The following RPAP3 variants were observed in gnomAD, a reference collection of about 807,000 sequenced individuals.
The protein encoded by RPAP3 is RNA polymerase II-associated protein 3.
A neutral mutation model predicts 88.8 loss-of-function variants in RPAP3; 58 were observed. The observed-to-expected ratio is 0.65, with a 90% CI of 0.53 to 0.81. RPAP3 has a LOEUF of 0.81. Ranked by LOEUF, RPAP3 falls within the 40% of genes least tolerant of loss-of-function variation. The pLI, the probability that RPAP3 is intolerant of heterozygous loss-of-function variation, is 0.00. For synonymous variants in RPAP3, 255 were observed against 259.9 expected (o/e 0.98, Z 0.18); for missense variants, 751 against 764.3 (o/e 0.98, Z 0.20).
intron 3 of RPAP3, among the ~76,000 whole-genome samples, chr12:47,698,736 T>A (rs2136642654): frequency 6.6e-6 from 1 of 152,232 alleles, no homozygotes; most frequent in East Asian, 1.9e-4. Context: ...CTGGTCTGGA[T>A]CCTAAGCCCA....
Position 47,686,760 on chromosome 12 carries a change from A to G in RPAP3, c.992+20T>C. The G allele has an allele frequency of 1.3e-6, 2 of 1,497,336 alleles. No individual in the cohort carries two copies. Among genetic ancestry groups the G allele is most frequent in the Non-Finnish European group, 1.8e-6 (2 of 1,120,930 alleles). 92.8% of individuals were successfully genotyped at this position (1,497,336 alleles called of 1,614,324 possible). On this transcript the variant is annotated intron_variant, in intron 9 of 16. Coordinates refer to ENST00000005386, the MANE Select transcript of RPAP3 (RefSeq NM_024604.3). ...GTAAATTTTTATCCTGAACAGCACT[A>G]AAATGTAACCAATACTTACTTCTGA... is the stretch of plus-strand genomic sequence containing the variant.
At chr12:47,701,714 T>C in intron 2 of RPAP3, 110 bp from the exon 3 acceptor site, 1 of 884,916 alleles carries the variant, frequency 1.1e-6, no homozygotes, top group East Asian at 3.2e-5. Context: ...AATTTTTTAA[T>C]TTTAAAGTGT....
intron 15 of RPAP3, 141 bp downstream of exon 15, chr12:47,667,613 C>A: frequency 3.8e-6 from 2 of 522,348 alleles, no homozygotes; most frequent in South Asian, 6.5e-5. Flanking sequence ...ATAAACAAAC[C>A]AATTTTACCA....
chr12:47,678,520 A>G (rs1939160612), intron 12 of RPAP3, among the ~76,000 whole-genome samples: 1 of 152,254 alleles, frequency 6.6e-6, no homozygotes, highest in Non-Finnish European at 1.5e-5. Flanking sequence ...GCTAATATCC[A>G]GAATCTACAA....
At chr12:47,667,879 C>T in intron 14 of RPAP3, 28 bp from the exon 15 acceptor site, 1 of 1,354,360 alleles carries the variant, frequency 7.4e-7, no homozygotes, top group Non-Finnish European at 1.0e-6. Context: ...AAGACAATTA[C>T]TTGATGGCAA....
At chr12:47,664,164 C>T (rs112584143) in intron 16 of RPAP3, among the ~76,000 whole-genome samples, 5,671 of 152,116 alleles carry the variant, frequency 0.037, 349 homozygotes, top group African/African-American at 0.12. Flanking sequence ...CCGAGGCAGG[C>T]GGATCATGAG....
chr12:47,696,827 T>C (rs1048069222), intron 4 of RPAP3, among the ~76,000 whole-genome samples: 1 of 152,260 alleles, frequency 6.6e-6, no homozygotes, highest in Non-Finnish European at 1.5e-5. Context: ...ATTTGTATTA[T>C]CCATACTGCT....
intron 13 of RPAP3, 35 bp downstream of exon 13, chr12:47,670,072 C>A (rs1168238805): frequency 1.5e-6 from 2 of 1,325,348 alleles, no homozygotes; most frequent in African/African-American, 2.9e-5. Context: ...TTAACCCATT[C>A]TGGATGATCA....
chr12:47,703,914 T>C (rs547842002), intron 1 of RPAP3, among the ~76,000 whole-genome samples: 21 of 152,206 alleles, frequency 1.4e-4, no homozygotes, highest in African/African-American at 5.1e-4. Context: ...GGGACCCCGG[T>C]AAGATTACTG....
Position 47,662,307 on chromosome 12 carries a change from T to C in RPAP3, c.*1198A>G, listed in dbSNP as rs909709504. ...TACATTTAGCAATAAACAAAGTTAA[T>C]AAACTCTATCAAGTGTATTTTAAAG... On this transcript the variant is annotated 3_prime_UTR_variant, in exon 17 of 17. Transcript: ENST00000005386. The C allele has an allele frequency of 6.6e-6, 1 of 152,234 alleles. No individual in the cohort carries two copies. 9.4% of individuals were successfully genotyped at this position (152,234 alleles called of 1,614,324 possible). A position where few individuals can be genotyped will look rare whatever the true frequency, so the allele number is the denominator to read the frequency against.
chr12:47,682,046 C>T (rs1247652667), intron 9 of RPAP3, among the ~76,000 whole-genome samples: 2 of 152,060 alleles, frequency 1.3e-5, no homozygotes, highest in Non-Finnish European at 2.9e-5. Flanking sequence ...GGAGAGTCTG[C>T]TGGAGCGATG....
At chr12:47,690,356 C>G (rs898909155) in intron 6 of RPAP3, among the ~76,000 whole-genome samples, 162 bp downstream of exon 6, 3 of 152,128 alleles carry the variant, frequency 2.0e-5, no homozygotes, top group African/African-American at 7.2e-5. Flanking sequence ...ATAATGCATT[C>G]TTTCTTAAAA....
chr12:47,687,762 T>A (rs1939353101), intron 8 of RPAP3, 114 bp downstream of exon 8: 1 of 1,271,860 alleles, frequency 7.9e-7, no homozygotes. Context: ...AATTCCCAAT[T>A]CCTACTCAAG....
chr12:47,690,629 C>A lies in RPAP3; in HGVS notation c.556G>T (p.Ala186Ser), dbSNP rs1939411546. ...ACTGCTAAATTACAATCAGACTCAGCAACAGCAAATCTGCAATTTAAAAAC... is the reference window on the plus strand; with the variant it reads ...ACTGCTAAATTACAATCAGACTCAGAAACAGCAAATCTGCAATTTAAAAAC... Reference protein sequence around the residue: ...AYFRLKKFAVAESDCNLAVAL... With the variant: ...AYFRLKKFAVSESDCNLAVAL... Residue 186 changes from alanine to serine, a missense_variant, in exon 6 of 17, where the codon GCT (alanine) becomes TCT (serine). By Grantham distance (99) the Ala-to-Ser change is moderately conservative. Coordinates refer to ENST00000005386, the MANE Select transcript of RPAP3 (RefSeq NM_024604.3). 1 of 1,498,216 alleles carries A rather than the reference C, an allele frequency of 6.7e-7. No homozygotes were observed. The highest frequency in any genetic ancestry group is 9.0e-7 in the Non-Finnish European group (1 of 1,113,598). The allele number at this position is 1,498,216 out of a possible 1,614,324, so 92.8% of individuals were successfully genotyped here.
chr12:47,694,794 C>T (rs1220615539), intron 5 of RPAP3, among the ~76,000 whole-genome samples: 2 of 152,054 alleles, frequency 1.3e-5, no homozygotes, highest in Non-Finnish European at 2.9e-5. Context: ...CTGAGAAATG[C>T]AAAATGTCAT....
chr12:47,700,744 C>T (rs1300747223), intron 3 of RPAP3, among the ~76,000 whole-genome samples: 1 of 152,176 alleles, frequency 6.6e-6, no homozygotes, highest in Non-Finnish European at 1.5e-5. Flanking sequence ...CTATCCCAGT[C>T]TAGAAGGGTA....
chr12:47,677,500 C>T (rs1474044515), intron 12 of RPAP3, among the ~76,000 whole-genome samples: 2 of 152,098 alleles, frequency 1.3e-5, no homozygotes, highest in Non-Finnish European at 2.9e-5. Flanking sequence ...ACCCCATCGT[C>T]TCAGCCCAAA....
At position 47,674,946 on chromosome 12, in the gene RPAP3, C is replaced by G. The variant is rs184871521; in HGVS notation, c.1287+4547G>C. Among the ~76,000 whole-genome samples the G allele has an allele frequency of 3.9e-3, 587 of 152,144 alleles. 3 individuals are homozygous for G. The highest frequency in any genetic ancestry group is 0.024 in the Middle Eastern group (7 of 294). ...GAGCAACCCCAAGACACAAAATTGT[C>G]AGATTTACCAAGGTTGAAATGAAGG... is the stretch of plus-strand genomic sequence containing the variant. On this transcript the variant is annotated intron_variant, in intron 12 of 16. Coordinates refer to ENST00000005386, the MANE Select transcript of RPAP3 (RefSeq NM_024604.3).
chr12:47,682,406 A>G (rs957729992), intron 9 of RPAP3, among the ~76,000 whole-genome samples: 6 of 152,184 alleles, frequency 3.9e-5, no homozygotes, highest in African/African-American at 7.2e-5. Flanking sequence ...AAAAAACCCA[A>G]TAACAAAAAA....
Sources: allele counts gnomAD v4.1 joint callset (sites outside exome capture counted in the v4.1 genomes callset), GRCh38; gene constraint gnomAD v4.1.1; transcripts MANE v1.5; gene names NCBI Gene and HGNC (gene_info 2026-07-23, HGNC 2026-07-21).